Variants in RGS1 observed in about 807,000 individuals in gnomAD.
RGS1 encodes the protein B-cell activation protein BL34.
Under a neutral mutation model 22.2 loss-of-function variants are expected in RGS1, and 11 were observed. The observed-to-expected ratio is 0.50, with a 90% CI of 0.31 to 0.82. RGS1 has a LOEUF of 0.82. Among genes scored for constraint, RGS1 ranks in the 40% least tolerant of loss-of-function variants. RGS1 has a pLI of 0.04. For missense variants in RGS1, 255 were observed against 245.8 expected, an observed-to-expected ratio of 1.04 and a Z score of -0.25; for synonymous variants, 81 against 79.9, an observed-to-expected ratio of 1.01 and a Z score of -0.07.
intron 3 of RGS1, chr1:192,577,094 T>G (rs1662074680): frequency 2.8e-6 from 1 of 360,356 alleles, no homozygotes; most frequent in African/African-American, 2.1e-5. Context: ...TTAAACATTG[T>G]GCTGGGATTC....
At position 192,575,908 on chromosome 1, in the gene RGS1, A is replaced by G; in HGVS notation, c.116A>G (p.Gln39Arg). 6.2e-7 allele frequency: 1 copy of G among 1,613,102 alleles called. No homozygotes were observed. Among genetic ancestry groups the G allele is most frequent in the Non-Finnish European group, 8.5e-7 (1 of 1,179,314 alleles). ...CATTCACTTCTAGACGACAAAATGCAAAAAAGGAGGCCAAAGACTTTGTAA... is the reference window on the plus strand; with the variant it reads ...CATTCACTTCTAGACGACAAAATGCGAAAAAGGAGGCCAAAGACTTTGTAA... ...TTHSLLDDKM[Q>R]KRRPKTFGMD... Residue 39 changes from glutamine (Q) to arginine (R), a missense_variant, in exon 1 of 5, where the codon CAA becomes CGA. Gln to Arg is a conservative substitution (Grantham distance 43). Transcript: ENST00000367459.
intron 4 of RGS1, 69 bp downstream of exon 4, chr1:192,578,454 T>C (rs1217340040): frequency 2.6e-6 from 4 of 1,537,696 alleles, no homozygotes. Context: ...ACATTTAATA[T>C]ATACAACAAG....
At chr1:192,578,822 T>G in intron 4 of RGS1, 1 of 361,546 alleles carries the variant, frequency 2.8e-6, no homozygotes, top group Non-Finnish European at 4.9e-6. Context: ...CTTCTTCTCC[T>G]GTAAATCTTA....
Position 192,579,800 on chromosome 1 carries a change from T to C in RGS1, c.*478T>C, listed in dbSNP as rs4658058. 6,516 of 152,402 alleles carry C rather than the reference T, an allele frequency of 0.043. 460 individuals are homozygous for C. Among genetic ancestry groups the C allele is most frequent in the African/African-American group, 0.15 (6,188 of 41,548 alleles). The allele number at this position is 152,402 out of a possible 1,614,324, so 9.4% of individuals were successfully genotyped here. The stretch of plus-strand genomic sequence containing the variant: ...ATTGCTTGTCGGTGTTATTTTATTT[T>C]ATTGTTTTTGACTTTGGAAGAGATG... On this transcript the variant is annotated 3_prime_UTR_variant, in exon 5 of 5. Coordinates refer to ENST00000367459, the MANE Select transcript of RGS1 (RefSeq NM_002922.4).
rs1662127849 is a variant in RGS1, at chr1:192,579,405, G to A, written c.*83G>A. ...GTATGGCTCCCTGGGTGAACAGCTT[G>A]GCCTTTTTTGGGTGTCTTGACAGGC... On this transcript the variant is annotated 3_prime_UTR_variant, in exon 5 of 5. Transcript: ENST00000367459. 1 of 1,338,654 alleles carries A rather than the reference G, an allele frequency of 7.5e-7. No individual in the cohort carries two copies. Among genetic ancestry groups the A allele is most frequent in the African/African-American group, 1.5e-5 (1 of 67,248 alleles). 82.9% of individuals were successfully genotyped at this position (1,338,654 alleles called of 1,614,324 possible). A position where few individuals can be genotyped will look rare whatever the true frequency, so the allele number is the denominator to read the frequency against.
intron 4 of RGS1, 99 bp downstream of exon 4, chr1:192,578,484 T>C (rs764017544): frequency 4.3e-6 from 6 of 1,394,736 alleles, no homozygotes; most frequent in Admixed American, 4.0e-5. Context: ...TTTTGGGGTA[T>C]ATAATTTTAC....
chr1:192,578,987 G>T, intron 4 of RGS1, 150 bp from the exon 5 acceptor site: 2 of 706,266 alleles, frequency 2.8e-6, no homozygotes, highest in Non-Finnish European at 4.7e-6. Context: ...ACCTAGTATA[G>T]AGCTGATTTT....
At chr1:192,576,753 T>G in intron 2 of RGS1, 21 bp from the exon 3 acceptor site, 1 of 1,606,116 alleles carries the variant, frequency 6.2e-7, no homozygotes, top group Non-Finnish European at 8.5e-7. Context: ...GACTAATGTA[T>G]GTACATTTTG....
chr1:192,576,512 C>T, intron 2 of RGS1, 147 bp downstream of exon 2: 2 of 651,108 alleles, frequency 3.1e-6, no homozygotes, highest in East Asian at 5.5e-5. Context: ...ACTATCAGTA[C>T]CAATGTAAAT....
In RGS1 at chr1:192,576,365, T is replaced by G. The variant is rs942652277; in HGVS notation, c.218T>G (p.Val73Gly). 6.3e-7 allele frequency: 1 copy of G among 1,595,816 alleles called. No homozygotes were observed. Among genetic ancestry groups the G allele is most frequent in the East Asian group, 2.2e-5 (1 of 44,658 alleles). ...SGMKSSKSKD[V>G]LSAAEVMQWS... is the part of the protein sequence containing the mutation. The stretch of plus-strand genomic sequence containing the variant: ...ATGAAATCTTCCAAGTCCAAGGATG[T>G]GTAAGTACACTAATACACTAAACTA... Residue 73 changes from valine (V) to glycine (G), a missense_variant and splice_region_variant, in exon 2 of 5, where the codon GTA becomes GGA. By Grantham distance (109) the Val-to-Gly change is moderately radical. Coordinates refer to ENST00000367459, the MANE Select transcript of RGS1 (RefSeq NM_002922.4).
rs1280502082 is a variant in RGS1 at position 192,575,961 on chromosome 1, T to C, written c.137+32T>C. On this transcript the variant is annotated intron_variant, in intron 1 of 4. Coordinates refer to ENST00000367459, the MANE Select transcript of RGS1 (RefSeq NM_002922.4). The stretch of plus-strand genomic sequence containing the variant: ...TTGTTCAGAGTCTCACTTTGTGAAT[T>C]TTAACAAGTTATCTTTAATGGCAGA... 4.3e-6 allele frequency: 7 copies of C among 1,609,940 alleles called. No individual in the cohort carries two copies. In the South Asian group the frequency reaches 7.7e-5, roughly 18 times the overall value.
At position 192,579,247 on chromosome 1, in the gene RGS1, C is replaced by T; in HGVS notation, c.555C>T (p.Asp185=). 6.2e-7 allele frequency: 1 copy of T among 1,613,130 alleles called. No homozygotes were observed. Among genetic ancestry groups the T allele is most frequent in the Middle Eastern group, 1.7e-4 (1 of 6,048 alleles). ...QKVIYTLMEK[D]SYPRFLKSDI... is the part of the protein sequence containing the mutation. ...TCATATATACTCTTATGGAAAAGGA[C>T]TCTTATCCCAGGTTCCTCAAATCAG... is the stretch of plus-strand genomic sequence containing the variant. Residue 185 remains aspartate, a synonymous_variant, in exon 5 of 5, where the codon GAC becomes GAT. Transcript: ENST00000367459.
At position 192,579,297 on chromosome 1, in the gene RGS1, A is replaced by G. The variant is rs1030862416; in HGVS notation, c.605A>G (p.Asp202Gly). Reference protein sequence around the residue: ...KSDIYLNLLNDLQANSLK With the variant: ...KSDIYLNLLNGLQANSLK The stretch of plus-strand genomic sequence containing the variant: ...GATATTTACTTAAATCTTCTAAATG[A>G]CCTGCAGGCTAATAGCCTAAAGTGA... The change falls in exon 5 of 5, where the codon GAC becomes GGC. Residue 202 changes from aspartate to glycine, a missense_variant. Physicochemically the swap from Asp to Gly is moderately conservative, Grantham distance 94 (BLOSUM62 -1). Coordinates refer to ENST00000367459, the MANE Select transcript of RGS1 (RefSeq NM_002922.4). 9 of 1,612,708 alleles carry G rather than the reference A, an allele frequency of 5.6e-6. No individual in the cohort carries two copies. Among genetic ancestry groups the G allele is most frequent in the East Asian group, 2.2e-5 (1 of 44,834 alleles).
In RGS1 at chr1:192,579,395, T is replaced by G. The variant is rs1571550018; in HGVS notation, c.*73T>G. On this transcript the variant is annotated 3_prime_UTR_variant, in exon 5 of 5. Transcript: ENST00000367459. ...GAATGTGCCAGTATGGCTCCCTGGG[T>G]GAACAGCTTGGCCTTTTTTGGGTGT... is the stretch of plus-strand genomic sequence containing the variant. The G allele has an allele frequency of 6.9e-7, 1 of 1,459,338 alleles. No homozygotes were observed. The highest frequency in any genetic ancestry group is 9.4e-7 in the Non-Finnish European group (1 of 1,065,392). The allele number at this position is 1,459,338 out of a possible 1,614,324, so 90.4% of individuals were successfully genotyped here.
rs967766301 is a variant in RGS1, at chr1:192,578,553, T to C, written c.444+168T>C. On this transcript the variant is annotated intron_variant, in intron 4 of 4. Transcript: ENST00000367459. ...TGCAATGAGAATCTAATTTTCTATATTGGTGAGGGTTTCAGCACAGTAGAA... is the reference window on the plus strand; with the variant it reads ...TGCAATGAGAATCTAATTTTCTATACTGGTGAGGGTTTCAGCACAGTAGAA... 4.1e-5 allele frequency: 31 copies of C among 764,468 alleles called. No homozygotes were observed. In the East Asian group the frequency reaches 5.7e-4, roughly 14 times the overall value. The allele number at this position is 764,468 out of a possible 1,614,324, so 47.4% of individuals were successfully genotyped here.
In RGS1 at chr1:192,576,318, G is replaced by T; in HGVS notation, c.171G>T (p.Met57Ile). The T allele has an allele frequency of 6.2e-7, 1 of 1,611,488 alleles. No homozygotes were observed. Among genetic ancestry groups the T allele is most frequent in the Non-Finnish European group, 8.5e-7 (1 of 1,178,220 alleles). Residue 57 changes from methionine to isoleucine, a missense_variant, in exon 2 of 5, where the codon ATG (methionine) becomes ATT (isoleucine). Transcript: ENST00000367459. ...GMDMKAYLRS[M>I]IPHLESGMKS... ...ATATGAAAGCATACCTGAGATCTAT[G>T]ATCCCACATCTGGAATCTGGAATGA...
At chr1:192,579,097 A>C in intron 4 of RGS1, 40 bp from the exon 5 acceptor site, 1 of 1,565,980 alleles carries the variant, frequency 6.4e-7, no homozygotes, top group Non-Finnish European at 8.6e-7. Context: ...ATTTGCAGTA[A>C]AGAAAAGTAT....
In RGS1 at chr1:192,579,175, G is replaced by T; in HGVS notation, c.483G>T (p.Lys161Asn). Residue 161 changes from lysine to asparagine, a missense_variant, in exon 5 of 5, where the codon AAG (lysine) becomes AAT (asparagine). Coordinates refer to ENST00000367459, the MANE Select transcript of RGS1 (RefSeq NM_002922.4). ...TCCGCACTCGAGAATCTACAGCCAAGAAGATTAAAGCACCAACCCCCACGT... is the reference window on the plus strand; with the variant it reads ...TCCGCACTCGAGAATCTACAGCCAATAAGATTAAAGCACCAACCCCCACGT... ...IDFRTRESTA[K>N]KIKAPTPTCF... 1 of 1,613,072 alleles carries T rather than the reference G, an allele frequency of 6.2e-7. No individual in the cohort carries two copies. The highest frequency in any genetic ancestry group is 8.5e-7 in the Non-Finnish European group (1 of 1,179,392).
rs1008353644 is a variant in RGS1, at chr1:192,575,775, A to C, written c.-18A>C. The C allele has an allele frequency of 1.2e-6, 2 of 1,612,694 alleles. No individual in the cohort carries two copies. Among genetic ancestry groups the C allele is most frequent in the Admixed American group, 1.7e-5 (1 of 59,888 alleles). On this transcript the variant is annotated 5_prime_UTR_variant, in exon 1 of 5. Transcript: ENST00000367459. ...AAGCAGCAGAGACGTTGACTAGCGC[A>C]TATTTGCTAAGAGCACCATGCGCGC...
Sources: allele counts gnomAD v4.1 joint callset, GRCh38; gene constraint gnomAD v4.1.1; transcripts MANE v1.5; gene names NCBI Gene and HGNC (gene_info 2026-07-23, HGNC 2026-07-21).